PI4K2A: variants seen among roughly 807,000 people sequenced by gnomAD.
The protein encoded by PI4K2A is phosphatidylinositol 4-kinase type 2-alpha.
In PI4K2A, 20 loss-of-function variants were observed where a neutral mutation model predicts 55.0. The observed-to-expected ratio is 0.36, with a 90% CI of 0.26 to 0.53. The LOEUF is 0.53. Among genes scored for constraint, PI4K2A ranks in the 20% least tolerant of loss-of-function variants. The probability of loss-of-function intolerance (pLI) is 0.91; values close to 1 mark genes in which losing one functional copy is unlikely to be tolerated. For missense variants in PI4K2A, 463 were observed against 637.1 expected (o/e 0.73, Z 2.94); for synonymous variants, 235 against 258.5 (o/e 0.91, Z 0.87).
At chr10:97,671,147 AAAAG>A (rs1407884071) in intron 8 of PI4K2A, among the ~76,000 whole-genome samples, 2 of 151,976 alleles carry the variant, frequency 1.3e-5, no homozygotes, top group Admixed American at 6.6e-5. Flanking sequence ...CAGAAAAAAA[AAAAG>A]AGAGAGAGAG....
intron 2 of PI4K2A, among the ~76,000 whole-genome samples, chr10:97,651,495 C>T (rs1224181607): frequency 6.6e-6 from 1 of 152,174 alleles, no homozygotes; most frequent in East Asian, 1.9e-4. Flanking sequence ...CCCAGCATTT[C>T]GATACAGTCT....
intron 8 of PI4K2A, among the ~76,000 whole-genome samples, chr10:97,672,360 T>C (rs1260840712): frequency 6.6e-6 from 1 of 152,136 alleles, no homozygotes; most frequent in Non-Finnish European, 1.5e-5. Context: ...CTATAATTTC[T>C]TGAGACCCAG....
Position 97,656,188 on chromosome 10 carries a change from A to C in PI4K2A, c.637-97A>C. Reference sequence around the variant, plus strand: ...ATTCTTTCTGTGCCCTGGAAGAGGAATAGGATTTGTGAACATCAAGCTATT... The same window carrying C: ...ATTCTTTCTGTGCCCTGGAAGAGGACTAGGATTTGTGAACATCAAGCTATT... On this transcript the variant is annotated intron_variant, in intron 2 of 8. Coordinates refer to ENST00000370631, the Ensembl canonical transcript of PI4K2A. This position sits in a 1 kb window ranked among gnomAD's most constrained non-coding sequence, Gnocchi z 4.5. The C allele has an allele frequency of 2.0e-6, 2 of 977,770 alleles. No individual in the cohort carries two copies. Among genetic ancestry groups the C allele is most frequent in the African/African-American group, 3.2e-5 (2 of 62,178 alleles). 60.6% of individuals were successfully genotyped at this position (977,770 alleles called of 1,614,324 possible).
At chr10:97,660,606 A>G (rs1018691641) in intron 4 of PI4K2A, among the ~76,000 whole-genome samples, 1 of 151,558 alleles carries the variant, frequency 6.6e-6, no homozygotes, top group African/African-American at 2.4e-5. Context: ...TTCTTTTCTA[A>G]TATATGCACT....
intron 8 of PI4K2A, among the ~76,000 whole-genome samples, chr10:97,668,347 G>A (rs1036163018): frequency 6.6e-6 from 1 of 152,188 alleles, no homozygotes; most frequent in Admixed American, 6.5e-5. Flanking sequence ...AGAGGCTTAG[G>A]TGGGCAGATC....
chr10:97,675,532 A>G (rs1295007025), exon 9 of PI4K2A: 1 of 152,334 alleles, frequency 6.6e-6, no homozygotes, highest in African/African-American at 2.4e-5. Flanking sequence ...CCAGAAGGGG[A>G]CCCAGGTGTG....
chr10:97,644,237 G>A (rs1470659984), intron 1 of PI4K2A, among the ~76,000 whole-genome samples: 1 of 152,174 alleles, frequency 6.6e-6, no homozygotes, highest in Admixed American at 6.5e-5. Flanking sequence ...TGTAATCCCA[G>A]CTACTCGGGA....
chr10:97,666,900 T>C (rs575213741), intron 7 of PI4K2A, among the ~76,000 whole-genome samples, 161 bp from the exon 8 acceptor site: 36 of 152,194 alleles, frequency 2.4e-4, no homozygotes, highest in Non-Finnish European at 5.0e-4. Context: ...TTCTGTTTCC[T>C]CATCTGTAAA....
chr10:97,647,734 A>G (rs2041512226), intron 1 of PI4K2A, among the ~76,000 whole-genome samples: 1 of 149,798 alleles, frequency 6.7e-6, no homozygotes, highest in Non-Finnish European at 1.5e-5. Context: ...TCCCTCATTG[A>G]TCTAGTCCAG....
At chr10:97,675,961 G>GC (rs1402252225) in exon 9 of PI4K2A, 1 of 152,670 alleles carries the variant, frequency 6.6e-6, no homozygotes, top group African/African-American at 2.4e-5. Flanking sequence ...GAGTGTTGCT[G>GC]CCCCCTGTGT....
intron 4 of PI4K2A, among the ~76,000 whole-genome samples, chr10:97,660,078 T>G (rs1315303259): frequency 2.0e-5 from 3 of 148,118 alleles, no homozygotes; most frequent in Non-Finnish European, 4.5e-5. Context: ...CTCGGCTCAC[T>G]GCAACCTCCG....
At chr10:97,665,838 G>A (rs1033682620) in intron 6 of PI4K2A, among the ~76,000 whole-genome samples, 11 of 152,082 alleles carry the variant, frequency 7.2e-5, no homozygotes, top group Middle Eastern at 6.8e-3. Flanking sequence ...TGATCCACCC[G>A]CCTTGGCCTC....
chr10:97,666,456 G>A lies in PI4K2A; in HGVS notation c.1103G>A (p.Trp368Ter), dbSNP rs1487693340. 1 of 1,613,470 alleles carries A rather than the reference G, an allele frequency of 6.2e-7. No homozygotes were observed. The highest frequency in any genetic ancestry group is 8.5e-7 in the Non-Finnish European group (1 of 1,179,726). ...TTTTCAGATCCTTTTTACTGGGCCT[G>A]GTTGCCCCAGGCGAAAGTCCCATTT... Residue 368 changes from tryptophan to a stop codon, truncating the protein, a stop_gained, in exon 7 of 9, where the codon TGG becomes TAG. Coordinates refer to ENST00000370631, the Ensembl canonical transcript of PI4K2A. LOFTEE classifies it high-confidence loss of function.
At chr10:97,660,592 G>T (rs1393405230) in intron 4 of PI4K2A, among the ~76,000 whole-genome samples, 1 of 151,650 alleles carries the variant, frequency 6.6e-6, no homozygotes, top group South Asian at 2.1e-4. Flanking sequence ...TCGAGCCCGG[G>T]CTCTTCTTTT....
At chr10:97,641,568 G>C (rs1564771938) in intron 1 of PI4K2A, among the ~76,000 whole-genome samples, 1 of 152,100 alleles carries the variant, frequency 6.6e-6, no homozygotes, top group Non-Finnish European at 1.5e-5. Context: ...TTTTTGGACC[G>C]ACCGAACCAG....
chr10:97,654,947 A>ATTCAG (rs1354392740), intron 2 of PI4K2A, among the ~76,000 whole-genome samples: 3 of 152,174 alleles, frequency 2.0e-5, no homozygotes, highest in Non-Finnish European at 4.4e-5. Context: ...TCTCCTGGCC[A>ATTCAG]TTCAGTTTCC....
chr10:97,651,282 G>T, intron 2 of PI4K2A, 141 bp downstream of exon 2: 1 of 627,922 alleles, frequency 1.6e-6, no homozygotes, highest in Non-Finnish European at 2.8e-6. Context: ...TTTTCGGGAG[G>T]ATGGCAGGAT....
At chr10:97,666,391 G>A (rs767392947) in intron 6 of PI4K2A, 47 bp from the exon 7 acceptor site, 18 of 1,590,676 alleles carry the variant, frequency 1.1e-5, no homozygotes, top group Non-Finnish European at 1.5e-5. Context: ...CAGATGAGCA[G>A]GGACTTTTCC....
At chr10:97,657,918 C>G (rs2041563150) in intron 4 of PI4K2A, among the ~76,000 whole-genome samples, 1 of 152,040 alleles carries the variant, frequency 6.6e-6, no homozygotes, top group African/African-American at 2.4e-5. Flanking sequence ...TCACTGCAAC[C>G]CCTGCCTCCT....
Sources: gnomAD v4.1 joint callset for allele counts (sites outside exome capture counted in the v4.1 genomes callset) on GRCh38, gnomAD v4.1.1 for gene constraint, Gnocchi (gnomAD v3.1) non-coding constraint, MANE v1.5 for transcripts, NCBI Gene and HGNC (gene_info 2026-07-23, HGNC 2026-07-21) for gene names.